The following FAM171A1 variants were observed in gnomAD, a reference collection of about 807,000 sequenced individuals.
FAM171A1 encodes family with sequence similarity 171 member A1.
In FAM171A1, 23 loss-of-function variants were observed where a neutral mutation model predicts 74.9. The ratio of observed to expected loss-of-function variants is 0.31; its 90% confidence interval spans 0.22 to 0.44. The LOEUF (loss-of-function observed/expected upper bound fraction) is 0.44, where lower values mean the gene tolerates loss of function less well. Ranked by LOEUF, FAM171A1 falls within the 20% of genes least tolerant of loss-of-function variation. The pLI, the probability that FAM171A1 is intolerant of heterozygous loss-of-function variation, is 1.00. For synonymous variants in FAM171A1, 527 were observed against 505.7 expected (o/e 1.04, Z -0.57); for missense variants, 1,162 against 1,159.2 (o/e 1.00, Z -0.03).
At chr10:15,336,980 G>C (rs368455064) in intron 1 of FAM171A1, among the ~76,000 whole-genome samples, 1 of 151,314 alleles carries the variant, frequency 6.6e-6, no homozygotes, top group African/African-American at 2.4e-5. Flanking sequence ...CTGCAGCCTC[G>C]ATCTCTTGGG....
chr10:15,288,525 T>A (rs912951694), intron 1 of FAM171A1, among the ~76,000 whole-genome samples: 1 of 152,182 alleles, frequency 6.6e-6, no homozygotes, highest in Non-Finnish European at 1.5e-5. Flanking sequence ...CATTGATGAT[T>A]TATGCAATTT....
In FAM171A1 at chr10:15,259,806, C is replaced by T. The variant is rs543216672; in HGVS notation, c.419-4927G>A. ...CCTCTGGCCAAATAGGACTGCATGA[C>T]TAAGTCTGATTGTTTCTTTCCTTTT... On this transcript the variant is annotated intron_variant, in intron 3 of 7. Transcript: ENST00000378116. Among the ~76,000 whole-genome samples, 5 of 151,920 alleles carry T rather than the reference C, an allele frequency of 3.3e-5. No homozygotes were observed. In the South Asian group the frequency reaches 1.0e-3, roughly 32 times the overall value.
chr10:15,298,386 G>C (rs1255599376), intron 1 of FAM171A1, among the ~76,000 whole-genome samples: 2 of 151,670 alleles, frequency 1.3e-5, no homozygotes, highest in South Asian at 2.1e-4. Context: ...CGCCTGCCTC[G>C]GCCTCCCAAA....
chr10:15,333,071 T>C (rs1184418540), intron 1 of FAM171A1, among the ~76,000 whole-genome samples: 2 of 152,054 alleles, frequency 1.3e-5, no homozygotes, highest in Non-Finnish European at 2.9e-5. Flanking sequence ...CCTTTAAACC[T>C]CCTCCTGGAA....
chr10:15,248,405 G>A (rs1834461387), intron 5 of FAM171A1, among the ~76,000 whole-genome samples: 1 of 152,098 alleles, frequency 6.6e-6, no homozygotes, highest in Admixed American at 6.6e-5. Context: ...AGTAAATTAG[G>A]TTAAATGTGC....
chr10:15,242,236 T>C (rs1280928745), intron 5 of FAM171A1, among the ~76,000 whole-genome samples: 1 of 152,214 alleles, frequency 6.6e-6, no homozygotes, highest in East Asian at 1.9e-4. Context: ...AATATTTTAA[T>C]TTCTACTTAG....
At chr10:15,372,762 C>A (rs1836165825), upstream of FAM171A1, among the ~76,000 whole-genome samples, 1 of 150,782 alleles carries the variant, frequency 6.6e-6, no homozygotes, top group Non-Finnish European at 1.5e-5. Flanking sequence ...CAAAACAAAA[C>A]CAAACCTCTA....
intron 5 of FAM171A1, among the ~76,000 whole-genome samples, chr10:15,223,664 T>G (rs570971789): frequency 6.6e-6 from 1 of 152,292 alleles, no homozygotes; most frequent in African/African-American, 2.4e-5. Flanking sequence ...TTTGGGAGGC[T>G]GAGGCTGGTG....
chr10:15,341,777 C>G (rs192201227), intron 1 of FAM171A1, among the ~76,000 whole-genome samples: 1 of 152,086 alleles, frequency 6.6e-6, no homozygotes, highest in African/African-American at 2.4e-5. Flanking sequence ...TGACACATCA[C>G]GACAGAAAAG....
chr10:15,226,705 A>G (rs1013304226), intron 5 of FAM171A1, among the ~76,000 whole-genome samples: 14 of 152,188 alleles, frequency 9.2e-5, no homozygotes, highest in African/African-American at 3.1e-4. Context: ...ATCAACTACA[A>G]TGCTAGGTTC....
intron 1 of FAM171A1, among the ~76,000 whole-genome samples, chr10:15,299,108 A>G (rs935446370): frequency 3.3e-5 from 5 of 152,078 alleles, no homozygotes; most frequent in African/African-American, 1.2e-4. Context: ...TTTAGTAGAC[A>G]GGGTTTCGCC....
intron 1 of FAM171A1, among the ~76,000 whole-genome samples, chr10:15,301,652 G>A (rs923936356): frequency 2.0e-5 from 3 of 152,218 alleles, no homozygotes; most frequent in Non-Finnish European, 4.4e-5. Flanking sequence ...GCTGTTGCAT[G>A]TGCAGGTATC....
At chr10:15,276,464 C>T (rs1431177922) in intron 2 of FAM171A1, among the ~76,000 whole-genome samples, 3 of 152,226 alleles carry the variant, frequency 2.0e-5, no homozygotes, top group Non-Finnish European at 4.4e-5. Context: ...CAGGCGTGAG[C>T]CACTGCGCCC....
At chr10:15,259,880 C>A (rs1375259215) in intron 3 of FAM171A1, among the ~76,000 whole-genome samples, 1 of 151,766 alleles carries the variant, frequency 6.6e-6, no homozygotes, top group Non-Finnish European at 1.5e-5. Context: ...GGCTGGAGTA[C>A]AATGATGCCA....
At chr10:15,275,229 C>T (rs559369593) in intron 3 of FAM171A1, among the ~76,000 whole-genome samples, 3 of 151,936 alleles carry the variant, frequency 2.0e-5, no homozygotes, top group South Asian at 2.1e-4. Context: ...TGTGCACATG[C>T]ACCCTAGAAC....
intron 3 of FAM171A1, among the ~76,000 whole-genome samples, chr10:15,265,183 G>T (rs145353396): frequency 3.3e-5 from 5 of 152,060 alleles, no homozygotes; most frequent in African/African-American, 1.2e-4. Flanking sequence ...TCCTCGGGCC[G>T]ATTTATAATA....
chr10:15,260,449 T>C (rs1041096721), intron 3 of FAM171A1, among the ~76,000 whole-genome samples: 2 of 152,184 alleles, frequency 1.3e-5, no homozygotes, highest in African/African-American at 2.4e-5. Flanking sequence ...AAAATGGGTA[T>C]GAATCATGCC....
chr10:15,342,110 G>C (rs907012245), intron 1 of FAM171A1, among the ~76,000 whole-genome samples: 3 of 152,216 alleles, frequency 2.0e-5, no homozygotes, highest in Non-Finnish European at 4.4e-5. Flanking sequence ...TTGACATCAT[G>C]AAATTGGGGC....
At chr10:15,290,809 T>C (rs565317177) in intron 1 of FAM171A1, among the ~76,000 whole-genome samples, 7 of 152,138 alleles carry the variant, frequency 4.6e-5, no homozygotes, top group Non-Finnish European at 1.0e-4. Context: ...CCAGGTTGTT[T>C]ACCACTGAAT....
Sources: allele counts gnomAD v4.1 joint callset (sites outside exome capture counted in the v4.1 genomes callset), GRCh38; gene constraint gnomAD v4.1.1; transcripts MANE v1.5; gene names NCBI Gene and HGNC (gene_info 2026-07-23, HGNC 2026-07-21).